Variants in PRKCQ observed in about 807,000 individuals in gnomAD.
PRKCQ encodes protein kinase C theta.
In PRKCQ, 41 loss-of-function variants were observed where a neutral mutation model predicts 91.2. The ratio of observed to expected loss-of-function variants is 0.45; its 90% CI spans 0.35 to 0.58. PRKCQ has a LOEUF of 0.58. PRKCQ is among the 20% of genes least tolerant of loss of function. The pLI is 0.00. For synonymous variants in PRKCQ, 307 were observed against 316.9 expected (o/e 0.97, Z 0.33); for missense variants, 673 against 896.5 (o/e 0.75, Z 3.18).
At chr10:6,405,328 T>G in the PRKCQ span, among the ~76,000 whole-genome samples, 1 of 152,164 alleles carries the variant, frequency 6.6e-6, no homozygotes, top group Non-Finnish European at 1.5e-5. Flanking sequence ...ACAGATGTGT[T>G]TCCTTGGGAA....
chr10:6,550,049 T>C (rs1419220196), intron 1 of PRKCQ, among the ~76,000 whole-genome samples: 1 of 152,148 alleles, frequency 6.6e-6, no homozygotes, highest in Non-Finnish European at 1.5e-5. Flanking sequence ...TCTGCACCCA[T>C]TAAACAATAA....
chr10:6,529,277 C>T (rs568275198), intron 1 of PRKCQ, among the ~76,000 whole-genome samples: 1 of 152,326 alleles, frequency 6.6e-6, no homozygotes, highest in African/African-American at 2.4e-5. Context: ...CACAAAGATG[C>T]TGCCTTCTGT....
intron 13 of PRKCQ, among the ~76,000 whole-genome samples, chr10:6,463,277 G>A (rs951998631): frequency 2.0e-5 from 3 of 152,158 alleles, no homozygotes; most frequent in African/African-American, 4.8e-5. Context: ...GATTAAGGTC[G>A]GATATAAGAG....
intron 1 of PRKCQ, among the ~76,000 whole-genome samples, chr10:6,556,602 G>A (rs879442106): frequency 6.6e-6 from 1 of 151,848 alleles, no homozygotes; most frequent in Non-Finnish European, 1.5e-5. Context: ...AAACGTTCTG[G>A]AAACAGTCAT....
At chr10:6,570,068 A>G (rs930357884) in intron 1 of PRKCQ, among the ~76,000 whole-genome samples, 1 of 149,196 alleles carries the variant, frequency 6.7e-6, no homozygotes, top group African/African-American at 2.4e-5. Flanking sequence ...GGAAGGAAAC[A>G]TGGGCAGGGG....
chr10:6,449,862 A>G (rs891065149), intron 15 of PRKCQ, among the ~76,000 whole-genome samples: 1 of 152,204 alleles, frequency 6.6e-6, no homozygotes, highest in Non-Finnish European at 1.5e-5. Flanking sequence ...GAAATAAAAT[A>G]CTTTACAGAC....
intron 4 of PRKCQ, among the ~76,000 whole-genome samples, chr10:6,506,227 T>A (rs893736992): frequency 2.0e-5 from 3 of 152,182 alleles, no homozygotes; most frequent in African/African-American, 7.2e-5. Flanking sequence ...TTTAAAAAAA[T>A]TTTATTATGG....
At chr10:6,525,816 C>T (rs1014073736) in intron 1 of PRKCQ, among the ~76,000 whole-genome samples, 1 of 152,142 alleles carries the variant, frequency 6.6e-6, no homozygotes, top group Non-Finnish European at 1.5e-5. Flanking sequence ...TGGAGAAACT[C>T]TTCTCCCAGG....
chr10:6,428,042 T>C lies in PRKCQ; in HGVS notation c.*165A>G. On this transcript the variant is annotated 3_prime_UTR_variant, in exon 18 of 18. Transcript: ENST00000263125. ...CGGCATCGTCATTAGTGAAGTAGACTTGGTTTCTGCTACAGATAAAAGTCA... is the reference window on the plus strand; with the variant it reads ...CGGCATCGTCATTAGTGAAGTAGACCTGGTTTCTGCTACAGATAAAAGTCA... 2 of 789,996 alleles carry C rather than the reference T, an allele frequency of 2.5e-6. No individual in the cohort carries two copies. The highest frequency in any genetic ancestry group is 4.0e-6 in the Non-Finnish European group (2 of 502,398). The allele number at this position is 789,996 out of a possible 1,614,324, so 48.9% of individuals were successfully genotyped here.
chr10:6,491,582 G>T, intron 8 of PRKCQ, 101 bp downstream of exon 8: 1 of 1,482,684 alleles, frequency 6.7e-7, no homozygotes, highest in South Asian at 1.3e-5. Context: ...GCTGGGTGTG[G>T]AAGTGGTACC....
chr10:6,477,200 G>A (rs980229125), intron 12 of PRKCQ, among the ~76,000 whole-genome samples: 1 of 152,100 alleles, frequency 6.6e-6, no homozygotes, highest in Non-Finnish European at 1.5e-5. Flanking sequence ...CTTTGTGTCT[G>A]CCTTCTGATC....
At chr10:6,504,191 T>C (rs1476743029) in intron 4 of PRKCQ, among the ~76,000 whole-genome samples, 1 of 152,232 alleles carries the variant, frequency 6.6e-6, no homozygotes, top group African/African-American at 2.4e-5. Context: ...TTTTAGATTG[T>C]TCCTTTTATT....
intron 7 of PRKCQ, among the ~76,000 whole-genome samples, chr10:6,496,043 G>A (rs948861846): frequency 4.0e-5 from 6 of 151,432 alleles, no homozygotes; most frequent in Admixed American, 3.3e-4. Flanking sequence ...TGGTGAAACC[G>A]CATCTCTACT....
At chr10:6,493,604 C>G (rs1281672375) in intron 7 of PRKCQ, among the ~76,000 whole-genome samples, 1 of 152,142 alleles carries the variant, frequency 6.6e-6, no homozygotes, top group Non-Finnish European at 1.5e-5. Flanking sequence ...GACTTTGTAC[C>G]AGGAACTTTG....
intron 1 of PRKCQ, among the ~76,000 whole-genome samples, chr10:6,522,486 A>G (rs1839050173): frequency 6.6e-6 from 1 of 152,200 alleles, no homozygotes; most frequent in African/African-American, 2.4e-5. Flanking sequence ...AAACTCCCAG[A>G]ATGCGTTTAT....
At chr10:6,453,149 G>A (rs11258915) in intron 15 of PRKCQ, among the ~76,000 whole-genome samples, 56,068 of 147,806 alleles carry the variant, frequency 0.38, 10,767 homozygotes, top group East Asian at 0.49. Flanking sequence ...CTACAAAATG[G>A]GAGAAAATTT....
chr10:6,470,732 C>T (rs968803384), intron 12 of PRKCQ, among the ~76,000 whole-genome samples: 3 of 151,960 alleles, frequency 2.0e-5, no homozygotes, highest in African/African-American at 7.3e-5. Flanking sequence ...GGGTGGATCA[C>T]TAGAGGTCAG....
the PRKCQ span, among the ~76,000 whole-genome samples, chr10:6,396,617 A>T: frequency 3.9e-5 from 6 of 152,208 alleles, no homozygotes; most frequent in Non-Finnish European, 8.8e-5. Context: ...AGAGCACCTG[A>T]TTCCTTTTTA....
intron 16 of PRKCQ, among the ~76,000 whole-genome samples, chr10:6,432,357 A>C (rs888033638): frequency 1.3e-5 from 2 of 152,154 alleles, no homozygotes; most frequent in African/African-American, 4.8e-5. Context: ...ACCAAACAAC[A>C]TGCTATTGTA....
Sources: allele counts gnomAD v4.1 joint callset (sites outside exome capture counted in the v4.1 genomes callset), GRCh38; gene constraint gnomAD v4.1.1; transcripts MANE v1.5; gene names NCBI Gene and HGNC (gene_info 2026-07-23, HGNC 2026-07-21).